CEP83: variants seen among roughly 807,000 people sequenced by gnomAD.
CEP83 encodes centrosomal protein 83.
Under a neutral mutation model 101.9 loss-of-function variants are expected in CEP83, and 70 were observed. The ratio of observed to expected loss-of-function variants is 0.69; its 90% CI spans 0.57 to 0.84. The LOEUF is 0.84. CEP83 is among the 40% of genes least tolerant of loss of function. CEP83 has a pLI of 0.00. For missense variants in CEP83, 715 were observed against 787.2 expected, an observed-to-expected ratio of 0.91 and a Z score of 1.10; for synonymous variants, 264 against 267.9, an observed-to-expected ratio of 0.99 and a Z score of 0.14.
the CEP83 span, among the ~76,000 whole-genome samples, chr12:94,295,014 G>A: frequency 2.0e-5 from 3 of 152,206 alleles, no homozygotes; most frequent in Non-Finnish European, 4.4e-5. Flanking sequence ...AACTAAAGGG[G>A]GAACTTTTAT....
At chr12:94,278,297 T>C in the CEP83 span, among the ~76,000 whole-genome samples, 9 of 152,398 alleles carry the variant, frequency 5.9e-5, no homozygotes, top group African/African-American at 2.2e-4. Context: ...TAAACTGCTA[T>C]GTTATGCTAT....
chr12:94,313,785 C>T (rs912352395), intron 14 of CEP83, among the ~76,000 whole-genome samples: 5 of 151,962 alleles, frequency 3.3e-5, no homozygotes, highest in Non-Finnish European at 5.9e-5. Context: ...TGCAGTGAGC[C>T]GAGATTGCAC....
chr12:94,275,341 G>A, the CEP83 span, among the ~76,000 whole-genome samples: 1 of 152,232 alleles, frequency 6.6e-6, no homozygotes, highest in Admixed American at 6.5e-5. Context: ...AATGGGCTTT[G>A]GTGGGAGTGT....
In CEP83 at chr12:94,439,088, G is replaced by A. The variant is rs149488807; in HGVS notation, c.-154-3761C>T. Among the ~76,000 whole-genome samples the A allele has an allele frequency of 2.2e-3, 329 of 152,164 alleles. 1 individual carries two copies. The highest frequency in any genetic ancestry group is 7.4e-3 in the African/African-American group (308 of 41,538). ...CAAAAATTCTGAAAAAGCACAAATA[G>A]ATTATCTAACCTCACAACTCACAGA... On this transcript the variant is annotated intron_variant, in intron 1 of 16. Coordinates refer to ENST00000397809, the MANE Select transcript of CEP83 (RefSeq NM_016122.3).
the CEP83 span, chr12:94,279,567 C>T: frequency 1.2e-6 from 2 of 1,614,090 alleles, no homozygotes; most frequent in Non-Finnish European, 1.7e-6. Flanking sequence ...ACACCATTGG[C>T]CAAGCCAAAG....
the CEP83 span, among the ~76,000 whole-genome samples, chr12:94,275,854 CAAAAAAAAAAAAAA>C: frequency 8.7e-5 from 2 of 23,100 alleles, no homozygotes; most frequent in African/African-American, 3.0e-4. Flanking sequence ...GACTCCGTCT[CAAAAAAAAAAAAAA>C]AAAAAAAAAA....
At chr12:94,395,212 C>A (rs955366907) in intron 6 of CEP83, among the ~76,000 whole-genome samples, 1 of 151,954 alleles carries the variant, frequency 6.6e-6, no homozygotes, top group Non-Finnish European at 1.5e-5. Context: ...GGAGGGATAG[C>A]ATTAGGAGAA....
chr12:94,337,399 T>C (rs2059495257), intron 11 of CEP83, among the ~76,000 whole-genome samples: 2 of 151,902 alleles, frequency 1.3e-5, no homozygotes, highest in African/African-American at 2.4e-5. Context: ...TAAAACTCAT[T>C]TTTTTTTGGA....
chr12:94,279,410 A>G, the CEP83 span: 1 of 1,473,974 alleles, frequency 6.8e-7, no homozygotes, highest in Non-Finnish European at 9.3e-7. Flanking sequence ...TGTGTCTTTT[A>G]TGAAATGCCT....
intron 11 of CEP83, among the ~76,000 whole-genome samples, chr12:94,353,862 A>T (rs1565969960): frequency 6.6e-6 from 1 of 152,226 alleles, no homozygotes. Context: ...AACTGTAAAA[A>T]AAAAAAGTTT....
chr12:94,413,966 C>A (rs1468322431), intron 2 of CEP83, among the ~76,000 whole-genome samples: 6 of 151,840 alleles, frequency 4.0e-5, no homozygotes, highest in Non-Finnish European at 8.8e-5. Flanking sequence ...GCAAACCGAC[C>A]ATTAAATTAT....
At chr12:94,266,570 C>T in the CEP83 span, among the ~76,000 whole-genome samples, 2 of 152,170 alleles carry the variant, frequency 1.3e-5, no homozygotes, top group African/African-American at 2.4e-5. Flanking sequence ...CCTGATGCTG[C>T]GGGTGCTGCT....
chr12:94,448,954 T>C (rs1215171761), intron 1 of CEP83, among the ~76,000 whole-genome samples: 1 of 135,638 alleles, frequency 7.4e-6, no homozygotes, highest in East Asian at 2.2e-4. Context: ...ATCAGTGAAA[T>C]AGAAAATATA....
intron 11 of CEP83, among the ~76,000 whole-genome samples, chr12:94,347,050 A>AATATATATATATATATATATAT (rs137940620): frequency 5.3e-5 from 7 of 132,024 alleles, no homozygotes; most frequent in African/African-American, 1.7e-4. Flanking sequence ...AAAATAAACA[A>AATATATATATATATATATATAT]ATATATATAT....
chr12:94,408,234 T>G (rs2063667510), intron 4 of CEP83: 1 of 152,196 alleles, frequency 6.6e-6, no homozygotes. Flanking sequence ...AACAAATCTT[T>G]AACACTGCAG....
chr12:94,458,014 T>C (rs2067816135), intron 1 of CEP83, among the ~76,000 whole-genome samples: 1 of 151,968 alleles, frequency 6.6e-6, no homozygotes, highest in South Asian at 2.1e-4. Context: ...CTGGGCAATA[T>C]GGTGAAACCC....
At chr12:94,399,132 T>C (rs2063092834) in intron 6 of CEP83, among the ~76,000 whole-genome samples, 3 of 152,346 alleles carry the variant, frequency 2.0e-5, no homozygotes, top group South Asian at 4.1e-4. Context: ...TTTTGCCCTT[T>C]GAAGCATGTG....
intron 2 of CEP83, among the ~76,000 whole-genome samples, chr12:94,422,203 G>A (rs1316498434): frequency 2.0e-5 from 3 of 152,202 alleles, no homozygotes; most frequent in African/African-American, 7.2e-5. Context: ...AGAACAGAAT[G>A]TGAAGTCCCG....
downstream of CEP83, among the ~76,000 whole-genome samples, chr12:94,304,989 T>C (rs141519695): frequency 4.5e-3 from 682 of 152,354 alleles, 17 homozygotes; most frequent in Non-Finnish European, 1.5e-3. Flanking sequence ...GCTTCTATTT[T>C]AAGCCAAGGT....
Sources: gnomAD v4.1 joint callset for allele counts (sites outside exome capture counted in the v4.1 genomes callset) on GRCh38, gnomAD v4.1.1 for gene constraint, MANE v1.5 for transcripts, NCBI Gene and HGNC (gene_info 2026-07-23, HGNC 2026-07-21) for gene names.